FGGY: variants seen among roughly 807,000 people sequenced by gnomAD.
FGGY encodes the protein FGGY carbohydrate kinase domain-containing protein.
A neutral mutation model predicts 71.3 loss-of-function variants in FGGY; 72 were observed. The observed-to-expected ratio is 1.01, with a 90% CI of 0.84 to 1.23. The LOEUF (loss-of-function observed/expected upper bound fraction) is 1.23. Among genes scored for constraint, FGGY ranks in the 50% most tolerant of loss-of-function variants. The pLI is 0.00. For synonymous variants in FGGY, 251 were observed against 250.3 expected (o/e 1.00, Z -0.02); for missense variants, 668 against 682.3 (o/e 0.98, Z 0.23).
At position 59,305,034 on chromosome 1, in the gene FGGY, T is replaced by C. The variant is rs146106627; in HGVS notation, c.-15+7884T>C. Among the ~76,000 whole-genome samples the C allele has an allele frequency of 9.8e-3, 1,496 of 152,274 alleles. 15 individuals carry two copies. The highest frequency in any genetic ancestry group is 0.031 in the Middle Eastern group (9 of 294). ...GACAATGTTATCCCTTCCTTTCCAA[T>C]CTGGATGCCTTTCATTTAGTTTTCT... On this transcript the variant is annotated intron_variant, in intron 1 of 15. Coordinates refer to ENST00000303721, the MANE Select transcript of FGGY (RefSeq NM_018291.5).
chr1:59,341,817 A>G (rs958935407), intron 3 of FGGY, among the ~76,000 whole-genome samples: 1 of 152,154 alleles, frequency 6.6e-6, no homozygotes, highest in African/African-American at 2.4e-5. Flanking sequence ...TATATCTTTT[A>G]TGGGCTTTAT....
chr1:59,462,546 C>T (rs1211932711), intron 6 of FGGY, among the ~76,000 whole-genome samples: 4 of 152,240 alleles, frequency 2.6e-5, no homozygotes, highest in South Asian at 4.2e-4. Context: ...AGAAAATTTT[C>T]GCAACCTACT....
intron 7 of FGGY, among the ~76,000 whole-genome samples, chr1:59,516,136 C>T (rs772919934): frequency 2.0e-5 from 3 of 152,146 alleles, no homozygotes; most frequent in Non-Finnish European, 4.4e-5. Flanking sequence ...ACCTTACAGC[C>T]AATCCAAGAG....
At chr1:59,669,240 T>C (rs533772593) in intron 13 of FGGY, among the ~76,000 whole-genome samples, 3 of 152,200 alleles carry the variant, frequency 2.0e-5, no homozygotes, top group South Asian at 4.2e-4. Context: ...GCAGGACCAA[T>C]ATTGTAACTG....
chr1:59,368,129 A>G (rs1456077778), intron 4 of FGGY, among the ~76,000 whole-genome samples: 2 of 152,182 alleles, frequency 1.3e-5, no homozygotes, highest in African/African-American at 2.4e-5. Context: ...GAACTCTATT[A>G]GGCCATCACC....
chr1:59,483,343 C>A (rs1238618040), intron 6 of FGGY, among the ~76,000 whole-genome samples: 1 of 152,136 alleles, frequency 6.6e-6, no homozygotes, highest in Non-Finnish European at 1.5e-5. Flanking sequence ...AGATATTGTG[C>A]TACATACTGG....
intron 1 of FGGY, among the ~76,000 whole-genome samples, chr1:59,311,406 C>T (rs549578194): frequency 6.6e-6 from 1 of 152,050 alleles, no homozygotes; most frequent in Non-Finnish European, 1.5e-5. Context: ...CCCCACCCCA[C>T]AACAGGCCCT....
At chr1:59,561,727 C>G (rs1292161390) in intron 8 of FGGY, among the ~76,000 whole-genome samples, 1 of 152,144 alleles carries the variant, frequency 6.6e-6, no homozygotes, top group African/African-American at 2.4e-5. Context: ...GAGACTGAGG[C>G]AAAGAGTGGT....
At chr1:59,723,517 A>T (rs1231992556) in intron 14 of FGGY, among the ~76,000 whole-genome samples, 1 of 146,356 alleles carries the variant, frequency 6.8e-6, no homozygotes, top group Non-Finnish European at 1.5e-5. Flanking sequence ...ATTAACTGGA[A>T]GACAGTACTT....
chr1:59,718,190 G>A (rs1019816238), intron 14 of FGGY, among the ~76,000 whole-genome samples: 2 of 152,214 alleles, frequency 1.3e-5, no homozygotes, highest in African/African-American at 2.4e-5. Context: ...AAACTGTTAC[G>A]CTGGCATTTG....
chr1:59,512,434 G>C lies in FGGY; in HGVS notation c.794G>C (p.Gly265Ala). ...AASLIDAHAG[G>A]LGVIGADVRG... ...TCACTCATTGATGCCCATGCAGGAG[G>C]ACTAGGTAATCTCTTATTTGTTGCC... The change falls in exon 7 of 16, where the codon GGA (glycine) becomes GCA (alanine). Residue 265 changes from glycine (G) to alanine (A), a missense_variant. Gly to Ala is a moderately conservative substitution (Grantham distance 60). Coordinates refer to ENST00000303721, the MANE Select transcript of FGGY (RefSeq NM_018291.5). 1 of 1,613,202 alleles carries C rather than the reference G, an allele frequency of 6.2e-7. No homozygotes were observed. The highest frequency in any genetic ancestry group is 8.5e-7 in the Non-Finnish European group (1 of 1,179,502).
At chr1:59,333,561 T>A (rs2153181535) in intron 2 of FGGY, among the ~76,000 whole-genome samples, 1 of 152,328 alleles carries the variant, frequency 6.6e-6, no homozygotes, top group South Asian at 2.1e-4. Context: ...ACTCAGGTCT[T>A]CTGCCCCCAA....
chr1:59,573,215 T>C (rs1379715875), intron 8 of FGGY, among the ~76,000 whole-genome samples: 2 of 152,176 alleles, frequency 1.3e-5, no homozygotes, highest in East Asian at 3.9e-4. Flanking sequence ...TTTAAAAGTT[T>C]TATTGTAAAG....
chr1:59,716,500 G>A (rs2097846892), intron 14 of FGGY, among the ~76,000 whole-genome samples: 1 of 152,058 alleles, frequency 6.6e-6, no homozygotes, highest in Non-Finnish European at 1.5e-5. Context: ...CTCCATTTGG[G>A]GACCCTCAGA....
At chr1:59,501,994 G>C (rs571909469) in intron 6 of FGGY, among the ~76,000 whole-genome samples, 7 of 152,342 alleles carry the variant, frequency 4.6e-5, no homozygotes, top group South Asian at 4.1e-4. Flanking sequence ...CATTTGTCAT[G>C]TGGCAGACAA....
intron 8 of FGGY, among the ~76,000 whole-genome samples, chr1:59,589,851 G>A (rs1280315857): frequency 6.6e-6 from 1 of 152,030 alleles, no homozygotes; most frequent in Non-Finnish European, 1.5e-5. Context: ...ATCCAAAATT[G>A]ACACTCTAAC....
At chr1:59,586,867 G>A (rs978271425) in intron 8 of FGGY, among the ~76,000 whole-genome samples, 13 of 152,184 alleles carry the variant, frequency 8.5e-5, no homozygotes, top group African/African-American at 4.8e-5. Flanking sequence ...CGTGAGTGAC[G>A]CAGAAGACGG....
intron 1 of FGGY, among the ~76,000 whole-genome samples, chr1:59,311,090 T>C (rs2044233061): frequency 6.6e-6 from 1 of 152,142 alleles, no homozygotes; most frequent in Non-Finnish European, 1.5e-5. Context: ...AAGGCATTTC[T>C]AATGATCATC....
In FGGY at chr1:59,630,044, G is replaced by T. The variant is rs538996544; in HGVS notation, c.1073+3995G>T. 7.6e-4 allele frequency among the ~76,000 whole-genome samples: 115 copies of T among 152,232 alleles called. 1 individual carries two copies. The highest frequency in any genetic ancestry group is 5.9e-4 in the Admixed American group (9 of 15,290). On this transcript the variant is annotated intron_variant, in intron 10 of 15. Transcript: ENST00000303721. ...CTGGGCAGGCATCAGGAAACTTACA[G>T]TCATGGTGGAAGGGGAAACAAACAC...
Sources: gnomAD v4.1 joint callset for allele counts (sites outside exome capture counted in the v4.1 genomes callset) on GRCh38, gnomAD v4.1.1 for gene constraint, MANE v1.5 for transcripts, NCBI Gene and HGNC (gene_info 2026-07-23, HGNC 2026-07-21) for gene names.